The following SLC25A16 variants were observed in gnomAD, a reference collection of about 807,000 sequenced individuals.
The protein encoded by SLC25A16 is solute carrier family 25 member 16.
Under a neutral mutation model 41.5 loss-of-function variants are expected in SLC25A16, and 39 were observed. The ratio of observed to expected loss-of-function variants is 0.94; its 90% confidence interval spans 0.73 to 1.23. The LOEUF is 1.23. SLC25A16 is among the 50% of genes most tolerant of loss of function. The pLI, the probability that SLC25A16 is intolerant of heterozygous loss-of-function variation, is 0.00. For synonymous variants in SLC25A16, 146 were observed against 147.8 expected (o/e 0.99, Z 0.09); for missense variants, 421 against 426.9 (o/e 0.99, Z 0.12).
chr10:68,507,070 CTTT>C (rs71019019), intron 2 of SLC25A16, among the ~76,000 whole-genome samples: 1 of 115,634 alleles, frequency 8.6e-6, no homozygotes, highest in African/African-American at 3.2e-5. Flanking sequence ...ATGACCTACT[CTTT>C]TTTTTTTTTT....
intron 1 of SLC25A16, among the ~76,000 whole-genome samples, chr10:68,520,310 CA>C (rs1301722332): frequency 2.4e-4 from 37 of 152,086 alleles, no homozygotes; most frequent in Non-Finnish European, 2.9e-5. Context: ...CCCTTATCTG[CA>C]ATTTCACTTT....
At chr10:68,502,777 A>G (rs114137226) in intron 4 of SLC25A16, among the ~76,000 whole-genome samples, 2,505 of 46,914 alleles carry the variant, frequency 0.053, 238 homozygotes, top group African/African-American at 0.12. Context: ...GGGGAGAAGA[A>G]AAGAGGGGAG....
At chr10:68,497,023 AG>A (rs1431564062) in intron 4 of SLC25A16, among the ~76,000 whole-genome samples, 1 of 152,204 alleles carries the variant, frequency 6.6e-6, no homozygotes, top group Admixed American at 6.6e-5. Flanking sequence ...GAGAGAGTAA[AG>A]GGAAGGAAGA....
Position 68,479,423 on chromosome 10 carries a change from A to C in SLC25A16, c.*4009T>G, listed in dbSNP as rs1049620761. 2 of 152,148 alleles carry C rather than the reference A, an allele frequency of 1.3e-5. No homozygotes were observed. Among genetic ancestry groups the C allele is most frequent in the African/African-American group, 4.8e-5 (2 of 41,398 alleles). 9.4% of individuals were successfully genotyped at this position (152,148 alleles called of 1,614,324 possible). On this transcript the variant is annotated 3_prime_UTR_variant, in exon 9 of 9. Transcript: ENST00000609923. ...AAATCAGATTGCAAGTACAGCTAAC[A>C]AGCCTCCCAAGGGAAGTCCTCCATA...
At position 68,503,658 on chromosome 10, in the gene SLC25A16, T is replaced by C. The variant is rs1168852827; in HGVS notation, c.395A>G (p.His132Arg). 5 of 1,606,694 alleles carry C rather than the reference T, an allele frequency of 3.1e-6. No individual in the cohort carries two copies. Among genetic ancestry groups the C allele is most frequent in the Non-Finnish European group, 4.3e-6 (5 of 1,174,514 alleles). ...TGCCATGGATCCAGCCATTAATCTG[T>C]GCACATGACCTGAAATTCCCAGCTT... is the stretch of plus-strand genomic sequence containing the variant. ...TTKLGISGHVHRLMAGSMAGM... is the reference protein window; with the variant it reads ...TTKLGISGHVRRLMAGSMAGM... The change falls in exon 4 of 9, where the codon CAC (histidine) becomes CGC (arginine). Residue 132 changes from histidine to arginine, a missense_variant. By Grantham distance (29) the His-to-Arg change is conservative. Transcript: ENST00000609923.
At position 68,510,168 on chromosome 10, in the gene SLC25A16, C is replaced by T. The variant is rs114141214; in HGVS notation, c.224-3450G>A. Among the ~76,000 whole-genome samples the T allele has an allele frequency of 6.6e-3, 1,005 of 152,154 alleles. 19 individuals are homozygous for T. Among genetic ancestry groups the T allele is most frequent in the African/African-American group, 0.023 (962 of 41,520 alleles). On this transcript the variant is annotated intron_variant, in intron 2 of 8. Transcript: ENST00000609923. ...TAATGTGACACTTTTTATAAAAAGT[C>T]GGAGTAGAAGTAATAGTTTTGTCCA...
chr10:68,493,092 T>G, intron 6 of SLC25A16, 40 bp downstream of exon 6: 2 of 1,169,210 alleles, frequency 1.7e-6, no homozygotes, highest in Non-Finnish European at 2.5e-6. Flanking sequence ...TAACAAATTT[T>G]AAACATGCAT....
rs2052471753 is a variant in SLC25A16 at position 68,480,472 on chromosome 10, A to G, written c.*2960T>C. 6.8e-6 allele frequency: 1 copy of G among 147,586 alleles called. No individual in the cohort carries two copies. The highest frequency in any genetic ancestry group is 1.5e-5 in the Non-Finnish European group (1 of 67,042). The allele number at this position is 147,586 out of a possible 1,614,324, so 9.1% of individuals were successfully genotyped here. A position where few individuals can be genotyped will look rare whatever the true frequency, so the allele number is the denominator to read the frequency against. ...AGATATTTGCAATCCCCTTTTACTG[A>G]TAACCTAACTGAGGTATCTTTTTTT... On this transcript the variant is annotated 3_prime_UTR_variant, in exon 9 of 9. Coordinates refer to ENST00000609923, the MANE Select transcript of SLC25A16 (RefSeq NM_152707.4).
chr10:68,494,155 CT>C, intron 4 of SLC25A16, among the ~76,000 whole-genome samples: 1 of 152,134 alleles, frequency 6.6e-6, no homozygotes, highest in African/African-American at 2.4e-5. Context: ...TCCGAGTTTT[CT>C]GGTTACTGGC....
Position 68,495,759 on chromosome 10 carries a change from G to A in SLC25A16, c.422-2189C>T, listed in dbSNP as rs921652894. On this transcript the variant is annotated intron_variant, in intron 4 of 8. Coordinates refer to ENST00000609923, the MANE Select transcript of SLC25A16 (RefSeq NM_152707.4). ...ATCATGCCACTGCACTCCAGTCTGG[G>A]CAACAGAGTTAGACTATGTCTCAAA... Among the ~76,000 whole-genome samples, 3 of 116,420 alleles carry A rather than the reference G, an allele frequency of 2.6e-5. No homozygotes were observed. In the East Asian group the frequency reaches 8.7e-4, roughly 34 times the overall value. The allele number at this position is 116,420 out of a possible 152,430, so 76.4% of individuals were successfully genotyped here. A position where few individuals can be genotyped will look rare whatever the true frequency, so the allele number is the denominator to read the frequency against.
intron 1 of SLC25A16, among the ~76,000 whole-genome samples, chr10:68,524,922 C>G (rs1391272842): frequency 6.6e-6 from 1 of 151,706 alleles, no homozygotes. Flanking sequence ...TGGCATTCCC[C>G]TGTAATCCCA....
At chr10:68,512,057 A>C (rs922065952) in intron 2 of SLC25A16, among the ~76,000 whole-genome samples, 2 of 151,950 alleles carry the variant, frequency 1.3e-5, no homozygotes, top group Admixed American at 6.6e-5. Flanking sequence ...GGGCTTCACC[A>C]TATTGGCTAG....
intron 8 of SLC25A16, among the ~76,000 whole-genome samples, chr10:68,484,823 C>T (rs2052532624): frequency 1.3e-5 from 2 of 152,072 alleles, no homozygotes; most frequent in African/African-American, 2.4e-5. Context: ...TGAGAGACAA[C>T]ATATCACCAA....
chr10:68,511,744 G>A (rs2053066951), intron 2 of SLC25A16, among the ~76,000 whole-genome samples: 1 of 152,126 alleles, frequency 6.6e-6, no homozygotes, highest in African/African-American at 2.4e-5. Flanking sequence ...CCAGGCTGGA[G>A]TGCAGTGGCA....
chr10:68,506,912 C>T lies in SLC25A16; in HGVS notation c.224-194G>A, dbSNP rs373628762. 1.7e-4 allele frequency among the ~76,000 whole-genome samples: 26 copies of T among 151,784 alleles called. 3 individuals carry two copies. The highest frequency in any genetic ancestry group is 6.1e-4 in the African/African-American group (25 of 41,312). ...CATATATCCAAATAATATAAATAAG[C>T]ACACCCCATATAATATAAAACCTAC... On this transcript the variant is annotated intron_variant, in intron 2 of 8. Coordinates refer to ENST00000609923, the MANE Select transcript of SLC25A16 (RefSeq NM_152707.4).
Position 68,478,704 on chromosome 10 carries a change from T to G in SLC25A16, c.*4728A>C, listed in dbSNP as rs1459225465. 6.7e-6 allele frequency: 1 copy of G among 150,020 alleles called. No homozygotes were observed. Among genetic ancestry groups the G allele is most frequent in the Non-Finnish European group, 1.5e-5 (1 of 67,574 alleles). 9.3% of individuals were successfully genotyped at this position (150,020 alleles called of 1,614,324 possible). On this transcript the variant is annotated 3_prime_UTR_variant, in exon 9 of 9. Transcript: ENST00000609923. ...ATAAAAACTATTTATAAGTTTTATT[T>G]TATATATATATATGATATGTATACA...
At chr10:68,515,953 G>T (rs1162940134) in intron 2 of SLC25A16, among the ~76,000 whole-genome samples, 1 of 152,046 alleles carries the variant, frequency 6.6e-6, no homozygotes, top group Non-Finnish European at 1.5e-5. Flanking sequence ...ATCCTAAAAT[G>T]ATAATATATA....
chr10:68,507,356 C>T (rs1200352025), intron 2 of SLC25A16, among the ~76,000 whole-genome samples: 3 of 151,972 alleles, frequency 2.0e-5, no homozygotes, highest in African/African-American at 7.2e-5. Flanking sequence ...CAGGCGTGAC[C>T]CACTGCACCT....
At chr10:68,506,390 G>A (rs1034346959) in intron 3 of SLC25A16, among the ~76,000 whole-genome samples, 195 bp downstream of exon 3, 3 of 152,006 alleles carry the variant, frequency 2.0e-5, no homozygotes, top group Non-Finnish European at 2.9e-5. Context: ...GTTGCAGTGA[G>A]CCTTTCAAAA....
Sources: gnomAD v4.1 joint callset for allele counts (sites outside exome capture counted in the v4.1 genomes callset) on GRCh38, gnomAD v4.1.1 for gene constraint, MANE v1.5 for transcripts, NCBI Gene and HGNC (gene_info 2026-07-23, HGNC 2026-07-21) for gene names.